BLTP1: variants seen among roughly 807,000 people sequenced by gnomAD.
The protein encoded by BLTP1 is fragile site-associated protein.
At chr4:122,169,646 T>C in the BLTP1 span, 7 of 964,802 alleles carry the variant, frequency 7.3e-6, no homozygotes, top group Non-Finnish European at 8.6e-6. Flanking sequence ...AATATTCATA[T>C]TCATCCTACT....
At chr4:122,163,215 G>A in the BLTP1 span, among the ~76,000 whole-genome samples, 2 of 152,164 alleles carry the variant, frequency 1.3e-5, no homozygotes, top group African/African-American at 2.4e-5. Flanking sequence ...GTAGAAGTGG[G>A]GAAGGAAGAA....
the BLTP1 span, among the ~76,000 whole-genome samples, chr4:122,300,561 A>C: frequency 6.6e-6 from 1 of 152,120 alleles, no homozygotes; most frequent in Non-Finnish European, 1.5e-5. Context: ...AAAACTAAAA[A>C]ATATTTTTAT....
At chr4:122,255,424 A>G in the BLTP1 span, 1 of 595,668 alleles carries the variant, frequency 1.7e-6, no homozygotes, top group African/African-American at 1.9e-5. Flanking sequence ...TGGGAGGCTG[A>G]GGCGGTTGGA....
the BLTP1 span, among the ~76,000 whole-genome samples, chr4:122,264,747 C>T: frequency 0.022 from 3,334 of 152,064 alleles, 56 homozygotes; most frequent in Non-Finnish European, 0.036. Context: ...CTTTATTGAG[C>T]GAGCAGTGGG....
the BLTP1 span, chr4:122,188,198 G>T: frequency 1.7e-6 from 2 of 1,199,094 alleles, no homozygotes; most frequent in South Asian, 4.8e-5. Context: ...CAAAAATTAG[G>T]TATATTTCTC....
At chr4:122,307,620 G>A in the BLTP1 span, 2 of 985,260 alleles carry the variant, frequency 2.0e-6, no homozygotes, top group Non-Finnish European at 2.4e-6. Flanking sequence ...ATGAAGTTAA[G>A]CACCATGTCT....
At chr4:122,175,911 C>T in the BLTP1 span, 1 of 1,406,026 alleles carries the variant, frequency 7.1e-7, no homozygotes, top group Non-Finnish European at 1.0e-6. Flanking sequence ...ACAGAAGCAA[C>T]ATGGTGAGTT....
the BLTP1 span, chr4:122,219,246 A>T: frequency 2.6e-6 from 4 of 1,513,470 alleles, no homozygotes; most frequent in Non-Finnish European, 3.5e-6. Flanking sequence ...ATAATAGGTT[A>T]AGGAAATGCA....
the BLTP1 span, chr4:122,343,694 AT>A: frequency 1.4e-6 from 2 of 1,424,190 alleles, no homozygotes; most frequent in Admixed American, 1.9e-5. Context: ...TCATAAGGAC[AT>A]AGCCAAGATC....
chr4:122,290,073 C>T, the BLTP1 span, among the ~76,000 whole-genome samples: 5 of 152,178 alleles, frequency 3.3e-5, no homozygotes, highest in Non-Finnish European at 7.3e-5. Context: ...GAGGACAGTG[C>T]TCCTTGGATG....
chr4:122,362,235 A>C, the BLTP1 span: 1 of 1,612,012 alleles, frequency 6.2e-7, no homozygotes, highest in East Asian at 2.2e-5. Flanking sequence ...GCAAAGACAA[A>C]GAAGAACACT....
the BLTP1 span, among the ~76,000 whole-genome samples, chr4:122,290,677 C>G: frequency 6.8e-6 from 1 of 147,966 alleles, no homozygotes; most frequent in Non-Finnish European, 1.5e-5. Context: ...GTCCCAGCTA[C>G]TCGGGAGGCT....
At chr4:122,239,815 A>G in the BLTP1 span, 1 of 1,614,190 alleles carries the variant, frequency 6.2e-7, no homozygotes, top group South Asian at 1.1e-5. Flanking sequence ...TCATTTCATC[A>G]GTATCGATCA....
the BLTP1 span, among the ~76,000 whole-genome samples, chr4:122,321,979 ATTTTTTTTTTTTTTTTTTTTTTTT>A: frequency 7.4e-5 from 2 of 27,018 alleles, no homozygotes; most frequent in African/African-American, 2.2e-4. Flanking sequence ...ACTACATGTA[ATTTTTTTTTTTTTTTTTTTTTTTT>A]TTTTTTTTTT....
At chr4:122,263,819 A>G in the BLTP1 span, among the ~76,000 whole-genome samples, 3 of 152,236 alleles carry the variant, frequency 2.0e-5, no homozygotes, top group Non-Finnish European at 4.4e-5. Flanking sequence ...GTGAGATTGT[A>G]TATAAAGAGT....
the BLTP1 span, chr4:122,348,553 T>A: frequency 3.8e-6 from 6 of 1,577,554 alleles, no homozygotes; most frequent in East Asian, 4.5e-5. Flanking sequence ...TGTATTTGAT[T>A]TTTCTATTTT....
chr4:122,171,115 A>G, the BLTP1 span, among the ~76,000 whole-genome samples: 1 of 152,138 alleles, frequency 6.6e-6, no homozygotes, highest in African/African-American at 2.4e-5. Flanking sequence ...AAATAATTCT[A>G]TTTTTATAGT....
the BLTP1 span, chr4:122,347,238 C>T: frequency 1.0e-6 from 1 of 984,358 alleles, no homozygotes; most frequent in Middle Eastern, 5.2e-4. Flanking sequence ...GAAATGAAAA[C>T]TAGAGTCAGT....
the BLTP1 span, chr4:122,259,916 C>A: frequency 1.1e-6 from 1 of 941,144 alleles, no homozygotes. Context: ...CATTGATACC[C>A]AGAATCTGTA....
Sources: gnomAD v4.1 joint callset for allele counts (sites outside exome capture counted in the v4.1 genomes callset) on GRCh38, gnomAD v4.1.1 for gene constraint, MANE v1.5 for transcripts, NCBI Gene and HGNC (gene_info 2026-07-23, HGNC 2026-07-21) for gene names.